ANKS1B: variants seen among roughly 807,000 people sequenced by gnomAD.
ANKS1B encodes the protein ankyrin repeat and sterile alpha motif domain containing 1B.
In ANKS1B, 36 loss-of-function variants were observed where a neutral mutation model predicts 148.3. The observed-to-expected ratio is 0.24, with a 90% CI of 0.19 to 0.32. The LOEUF is 0.32. Among genes scored for constraint, ANKS1B ranks in the 10% least tolerant of loss-of-function variants. ANKS1B has a pLI of 1.00. For missense variants in ANKS1B, 1,157 were observed against 1,542.6 expected, an observed-to-expected ratio of 0.75 and a Z score of 4.19; for synonymous variants, 542 against 560.8, an observed-to-expected ratio of 0.97 and a Z score of 0.47.
intron 1 of ANKS1B, among the ~76,000 whole-genome samples, chr12:99,960,558 G>C (rs1341942138): frequency 6.6e-6 from 1 of 152,166 alleles, no homozygotes; most frequent in Admixed American, 6.5e-5. Context: ...AAATCAGAGA[G>C]AAAAGAGGCA....
At chr12:99,119,833 T>C (rs1245140911) in intron 15 of ANKS1B, among the ~76,000 whole-genome samples, 1 of 152,164 alleles carries the variant, frequency 6.6e-6, no homozygotes, top group African/African-American at 2.4e-5. Flanking sequence ...AAACTATGTA[T>C]AAAGAAACCA....
At chr12:99,210,285 T>C (rs546755583) in intron 14 of ANKS1B, among the ~76,000 whole-genome samples, 26 of 152,324 alleles carry the variant, frequency 1.7e-4, no homozygotes, top group Non-Finnish European at 3.4e-4. Context: ...CCTCTTTCTT[T>C]AACTCTTACA....
intron 2 of ANKS1B, among the ~76,000 whole-genome samples, chr12:99,816,816 C>T (rs1251364831): frequency 6.6e-6 from 1 of 151,500 alleles, no homozygotes; most frequent in African/African-American, 2.4e-5. Context: ...CATCCAGGCT[C>T]ATTAGAACAA....
At chr12:99,752,661 G>A (rs2061219739) in intron 8 of ANKS1B, among the ~76,000 whole-genome samples, 1 of 151,750 alleles carries the variant, frequency 6.6e-6, no homozygotes. Context: ...TTATTGGTAA[G>A]TAATAATATT....
intron 15 of ANKS1B, among the ~76,000 whole-genome samples, chr12:99,153,638 T>C (rs2075523984): frequency 6.6e-6 from 1 of 152,180 alleles, no homozygotes; most frequent in South Asian, 2.1e-4. Flanking sequence ...TGACTATACT[T>C]ACTCCACCAA....
At chr12:98,748,193 C>T (rs2097948629) in intron 26 of ANKS1B, among the ~76,000 whole-genome samples, 1 of 151,974 alleles carries the variant, frequency 6.6e-6, no homozygotes, top group East Asian at 1.9e-4. Flanking sequence ...GTCAAAATAT[C>T]ACATAGCAAT....
At chr12:99,452,929 G>T (rs1354358621) in intron 10 of ANKS1B, among the ~76,000 whole-genome samples, 1 of 152,152 alleles carries the variant, frequency 6.6e-6, no homozygotes, top group Non-Finnish European at 1.5e-5. Flanking sequence ...CCCACCTCAT[G>T]GTATTCACAC....
intron 17 of ANKS1B, among the ~76,000 whole-genome samples, chr12:98,973,545 T>C (rs1264496995): frequency 6.6e-6 from 1 of 152,210 alleles, no homozygotes; most frequent in Non-Finnish European, 1.5e-5. Flanking sequence ...GATGTCCTTC[T>C]GAGTTGTGTG....
At chr12:99,187,025 G>C (rs1355587312) in intron 14 of ANKS1B, among the ~76,000 whole-genome samples, 3 of 151,698 alleles carry the variant, frequency 2.0e-5, no homozygotes, top group Non-Finnish European at 2.9e-5. Flanking sequence ...CACAGCACAA[G>C]AACTTTGTGA....
intron 4 of ANKS1B, among the ~76,000 whole-genome samples, chr12:99,786,824 A>T (rs926307304): frequency 5.9e-5 from 9 of 152,240 alleles, no homozygotes; most frequent in Non-Finnish European, 8.8e-5. Context: ...CAAATTCAAA[A>T]TTATAAATTA....
At chr12:99,795,892 C>T (rs1329055557) in intron 4 of ANKS1B, among the ~76,000 whole-genome samples, 3 of 152,040 alleles carry the variant, frequency 2.0e-5, no homozygotes, top group African/African-American at 7.2e-5. Context: ...AACAGCAAAA[C>T]TAGTACAAAT....
intron 17 of ANKS1B, among the ~76,000 whole-genome samples, chr12:98,925,460 T>C (rs1325887425): frequency 6.6e-6 from 1 of 152,212 alleles, no homozygotes; most frequent in Non-Finnish European, 1.5e-5. Context: ...CTCAAAATTT[T>C]GTAGCTAGTT....
At chr12:99,327,280 T>G (rs1489507300) in intron 12 of ANKS1B, among the ~76,000 whole-genome samples, 1 of 115,006 alleles carries the variant, frequency 8.7e-6, no homozygotes, top group Non-Finnish European at 1.6e-5. Flanking sequence ...TAATTTATTA[T>G]AATTATAACA....
chr12:99,353,288 G>A (rs768742777), intron 12 of ANKS1B, among the ~76,000 whole-genome samples: 8 of 152,020 alleles, frequency 5.3e-5, no homozygotes, highest in Non-Finnish European at 7.4e-5. Context: ...GTAAAACTGA[G>A]ATAATACCAA....
intron 11 of ANKS1B, among the ~76,000 whole-genome samples, chr12:99,425,492 C>T (rs941674239): frequency 2.6e-5 from 4 of 151,878 alleles, no homozygotes; most frequent in African/African-American, 9.7e-5. Context: ...ATTCTTGATT[C>T]ACATTACCAA....
At chr12:99,583,865 T>C (rs549790011) in intron 9 of ANKS1B, among the ~76,000 whole-genome samples, 3 of 152,346 alleles carry the variant, frequency 2.0e-5, no homozygotes, top group African/African-American at 4.8e-5. Flanking sequence ...TTCGCATATA[T>C]GTTATTAATG....
At chr12:98,860,346 C>T (rs1025117227) in intron 17 of ANKS1B, among the ~76,000 whole-genome samples, 1 of 152,220 alleles carries the variant, frequency 6.6e-6, no homozygotes, top group Non-Finnish European at 1.5e-5. Context: ...TGCTATTATT[C>T]TGGTTCAGTA....
chr12:98,925,285 G>A (rs2099806584), intron 17 of ANKS1B, among the ~76,000 whole-genome samples: 1 of 152,190 alleles, frequency 6.6e-6, no homozygotes, highest in Non-Finnish European at 1.5e-5. Context: ...TGCTGATGAT[G>A]AGACTGGGGT....
chr12:99,312,188 A>G (rs2083271455), intron 12 of ANKS1B, among the ~76,000 whole-genome samples: 1 of 152,184 alleles, frequency 6.6e-6, no homozygotes, highest in Admixed American at 6.6e-5. Context: ...ACAAAGGGCT[A>G]TATGTTAGGG....
Sources: gnomAD v4.1 joint callset for allele counts (sites outside exome capture counted in the v4.1 genomes callset) on GRCh38, gnomAD v4.1.1 for gene constraint, MANE v1.5 for transcripts, NCBI Gene and HGNC (gene_info 2026-07-23, HGNC 2026-07-21) for gene names.